CCNH: variants seen among roughly 807,000 people sequenced by gnomAD.
CCNH encodes cyclin-H.
CCNH carries 31 observed loss-of-function variants against 41.9 expected under a neutral mutation model. The observed-to-expected ratio is 0.74, with a 90% CI of 0.56 to 1.00. The LOEUF (loss-of-function observed/expected upper bound fraction) is 1.00, where lower values mean the gene tolerates loss of function less well. CCNH is among the 50% of genes least tolerant of loss of function. The pLI is 0.00. For missense variants in CCNH, 362 were observed against 388.4 expected (o/e 0.93, Z 0.57); for synonymous variants, 138 against 136.1 (o/e 1.01, Z -0.10).
chr5:87,410,219 T>C (rs1181886294), intron 2 of CCNH, among the ~76,000 whole-genome samples: 1 of 152,232 alleles, frequency 6.6e-6, no homozygotes, highest in African/African-American at 2.4e-5. Context: ...TATTCACCAA[T>C]GATAAACATG....
At chr5:87,387,312 GTCT>G (rs1561331536), downstream of CCNH, among the ~76,000 whole-genome samples, 2 of 152,088 alleles carry the variant, frequency 1.3e-5, no homozygotes, top group East Asian at 1.9e-4. Context: ...AGACTGAAAA[GTCT>G]TCTTTTCTAG....
At chr5:87,396,630 A>C (rs946678607) in intron 7 of CCNH, among the ~76,000 whole-genome samples, 1 of 151,870 alleles carries the variant, frequency 6.6e-6, no homozygotes, top group Admixed American at 6.6e-5. Flanking sequence ...AAAAACAAAC[A>C]AACAAACAAA....
intron 7 of CCNH, 75 bp from the exon 8 acceptor site, chr5:87,395,179 G>A: frequency 7.7e-7 from 1 of 1,301,770 alleles, no homozygotes. Flanking sequence ...AAACTAGCAA[G>A]GCTATAGGCA....
At chr5:87,359,616 A>T (rs896244243) in intron 9 of CCNH, among the ~76,000 whole-genome samples, 1 of 152,220 alleles carries the variant, frequency 6.6e-6, no homozygotes, top group Non-Finnish European at 1.5e-5. Context: ...TTCTGCAGCT[A>T]ATACTAAGTG....
intron 9 of CCNH, chr5:87,369,930 T>A: frequency 6.6e-7 from 1 of 1,525,122 alleles, no homozygotes; most frequent in Non-Finnish European, 9.1e-7. Context: ...AACTACAGTA[T>A]ACTTTTATGT....
chr5:87,378,633 A>G, upstream of CCNH: 1 of 1,296,320 alleles, frequency 7.7e-7, no homozygotes, highest in Non-Finnish European at 1.1e-6. Context: ...AAATATATTA[A>G]ATTTCTAAAA....
chr5:87,322,048 C>T (rs188519703), intron 9 of CCNH, among the ~76,000 whole-genome samples: 36 of 152,162 alleles, frequency 2.4e-4, no homozygotes, highest in Admixed American at 6.5e-4. Flanking sequence ...AATGAGACCT[C>T]CATTGTTGGA....
At chr5:87,394,795 A>T in intron 8 of CCNH, 1 of 1,342,940 alleles carries the variant, frequency 7.4e-7, no homozygotes, top group Admixed American at 3.5e-5. Context: ...AAAAGCAAAA[A>T]TGTAGTATGT....
At chr5:87,312,703 A>G in the CCNH span, among the ~76,000 whole-genome samples, 2 of 152,180 alleles carry the variant, frequency 1.3e-5, no homozygotes, top group Non-Finnish European at 2.9e-5. Flanking sequence ...TGTGAATGCT[A>G]CCATGAATCT....
downstream of CCNH, among the ~76,000 whole-genome samples, chr5:87,313,700 CA>C (rs1346894271): frequency 2.0e-5 from 3 of 151,846 alleles, no homozygotes; most frequent in Non-Finnish European, 4.4e-5. Context: ...GATAAAATGC[CA>C]AAAAAAGTCT....
intron 9 of CCNH, among the ~76,000 whole-genome samples, chr5:87,339,591 C>T (rs1758291283): frequency 6.6e-6 from 1 of 151,910 alleles, no homozygotes; most frequent in South Asian, 2.1e-4. Flanking sequence ...ACAAGATAAC[C>T]TTTAAAGAAA....
chr5:87,317,999 TC>T (rs1756478353), downstream of CCNH, among the ~76,000 whole-genome samples: 1 of 152,020 alleles, frequency 6.6e-6, no homozygotes, highest in Non-Finnish European at 1.5e-5. Context: ...TTTTCAAATA[TC>T]CCCCCTTTAT....
intron 9 of CCNH, among the ~76,000 whole-genome samples, chr5:87,338,536 A>ATATATTTTTTTTTTTTTTTTTT: frequency 2.3e-5 from 2 of 85,214 alleles, no homozygotes; most frequent in African/African-American, 4.4e-5. Context: ...TATATATAAA[A>ATATATTTTTTTTTTTTTTTTTT]TTTTTTTTTT....
chr5:87,320,413 A>G (rs1756698273), intron 9 of CCNH, among the ~76,000 whole-genome samples: 1 of 152,202 alleles, frequency 6.6e-6, no homozygotes, highest in African/African-American at 2.4e-5. Context: ...TGGGTAATTT[A>G]TGAAGAAAAG....
chr5:87,332,639 A>G lies in CCNH; in HGVS notation c.*91-13742T>C, dbSNP rs1365959061. ...AATTACTTTACCCAGTTGCACCACC[A>G]GAGGCAAGTAAAATGAATAAAATAT... is the stretch of plus-strand genomic sequence containing the variant. On this transcript the variant is annotated intron_variant and NMD_transcript_variant, in intron 9 of 9. Coordinates refer to the CCNH transcript ENST00000645953. 1.2e-6 allele frequency: 2 copies of G among 1,609,058 alleles called. No homozygotes were observed. Among genetic ancestry groups the G allele is most frequent in the Non-Finnish European group, 1.7e-6 (2 of 1,176,038 alleles).
intron 9 of CCNH, among the ~76,000 whole-genome samples, chr5:87,367,334 T>C (rs1292180241): frequency 3.9e-5 from 6 of 152,222 alleles, no homozygotes; most frequent in African/African-American, 1.4e-4. Flanking sequence ...TATTATCAAA[T>C]TAATGCCAGG....
At chr5:87,354,190 A>C (rs1406351222) in intron 9 of CCNH, among the ~76,000 whole-genome samples, 1 of 152,104 alleles carries the variant, frequency 6.6e-6, no homozygotes, top group African/African-American at 2.4e-5. Context: ...GATAAATTCA[A>C]GAATCATAAT....
chr5:87,405,947 T>C (rs996476010), intron 4 of CCNH, among the ~76,000 whole-genome samples: 1 of 152,138 alleles, frequency 6.6e-6, no homozygotes, highest in African/African-American at 2.4e-5. Context: ...TATAAACTCA[T>C]GTTCATTGAC....
intron 9 of CCNH, chr5:87,349,092 C>A (rs1023054598): frequency 4.2e-5 from 49 of 1,157,056 alleles, no homozygotes; most frequent in Admixed American, 3.1e-4. Flanking sequence ...AAAAAAAAAA[C>A]AAGTTCCTGG....
Sources: allele counts gnomAD v4.1 joint callset (sites outside exome capture counted in the v4.1 genomes callset), GRCh38; gene constraint gnomAD v4.1.1; transcripts MANE v1.5; gene names NCBI Gene and HGNC (gene_info 2026-07-23, HGNC 2026-07-21).